ZPBP: variants seen among roughly 807,000 people sequenced by gnomAD.
ZPBP encodes zona pellucida binding protein.
A neutral mutation model predicts 44.8 loss-of-function variants in ZPBP; 26 were observed. That is an observed-to-expected ratio of 0.58 (90% CI 0.43 to 0.81). The LOEUF (loss-of-function observed/expected upper bound fraction) is 0.81. ZPBP is among the 30% of genes least tolerant of loss of function. The pLI is 0.00. For synonymous variants in ZPBP, 174 were observed against 153.2 expected (o/e 1.14, Z -1.00); for missense variants, 409 against 434.0 (o/e 0.94, Z 0.51).
rs567715753 is a variant in ZPBP, at chr7:49,888,141, G to A, written n.509+12977C>T. ...TTAGTAGCTCAAAATTGGCCTTGGT[G>A]GAAGTAGTCAATGGCAATTATTTTT... On this transcript the variant is annotated intron_variant and non_coding_transcript_variant, in intron 2 of 2. Transcript: ENST00000465922. 4.6e-5 allele frequency among the ~76,000 whole-genome samples: 7 copies of A among 152,282 alleles called. No homozygotes were observed. In the South Asian group the frequency reaches 1.4e-3, roughly 32 times the overall value.
Position 50,031,241 on chromosome 7 carries a change from T to C in ZPBP, c.557A>G (p.Tyr186Cys), listed in dbSNP as rs779275046. The change falls in exon 5 of 8, where the codon TAT becomes TGT. Residue 186 changes from tyrosine (Y) to cysteine (C), a missense_variant. Transcript: ENST00000046087. ...AAGTTTCTTCTCAAAAGAAATATTA[T>C]AAATGCTATTGCAGGGAGCTGCATG... ...RYHAAPCNSI[Y>C]NISFEKKLLQ... 6.2e-7 allele frequency: 1 copy of C among 1,612,802 alleles called. No individual in the cohort carries two copies. The highest frequency in any genetic ancestry group is 1.1e-5 in the South Asian group (1 of 91,020).
At chr7:49,888,062 T>C (rs948253169) in intron 2 of ZPBP, among the ~76,000 whole-genome samples, 1 of 152,260 alleles carries the variant, frequency 6.6e-6, no homozygotes, top group Non-Finnish European at 1.5e-5. Context: ...TAATTGATCA[T>C]GTACATCTCT....
intron 2 of ZPBP, among the ~76,000 whole-genome samples, chr7:49,897,728 G>A (rs1024138714): frequency 6.6e-6 from 1 of 152,188 alleles, no homozygotes; most frequent in Non-Finnish European, 1.5e-5. Context: ...TTAGGAAAAT[G>A]TAAACTGTAA....
intron 4 of ZPBP, among the ~76,000 whole-genome samples, chr7:50,038,865 AAGG>A (rs1289688855): frequency 6.6e-6 from 1 of 152,216 alleles, no homozygotes; most frequent in Non-Finnish European, 1.5e-5. Flanking sequence ...CTAGGAGGAA[AAGG>A]CCATACCACG....
chr7:50,063,412 T>C lies in ZPBP; in HGVS notation c.335-5271A>G, dbSNP rs189444941. Among the ~76,000 whole-genome samples, 6 of 152,366 alleles carry C rather than the reference T, an allele frequency of 3.9e-5. No individual in the cohort carries two copies. The East Asian group carries it at 1.2e-3, about 29-fold the overall frequency. On this transcript the variant is annotated intron_variant, in intron 3 of 7. Transcript: ENST00000046087. ...CTTTGCGGAGCTGAGCTTTTTCTTC[T>C]ACTGGCAGCAGCTGATATTTGGTTA...
At chr7:49,887,618 T>C (rs1383616372) in intron 2 of ZPBP, among the ~76,000 whole-genome samples, 1 of 152,224 alleles carries the variant, frequency 6.6e-6, no homozygotes, top group Non-Finnish European at 1.5e-5. Flanking sequence ...TGGTTTCCAT[T>C]TGTACAGGAT....
intron 2 of ZPBP, among the ~76,000 whole-genome samples, chr7:49,854,600 A>G (rs1288877577): frequency 3.3e-5 from 5 of 152,170 alleles, no homozygotes; most frequent in African/African-American, 7.2e-5. Context: ...TTCTTTGCAG[A>G]TTCTGGATAT....
intron 7 of ZPBP, chr7:49,944,426 C>T (rs1395687265): frequency 2.9e-5 from 5 of 174,954 alleles, no homozygotes. Flanking sequence ...TCCTTTTGTA[C>T]TTGGGCTTTA....
chr7:49,985,023 T>G (rs1470293568), intron 6 of ZPBP, among the ~76,000 whole-genome samples: 2 of 152,160 alleles, frequency 1.3e-5, no homozygotes, highest in African/African-American at 2.4e-5. Context: ...AGATGCACGT[T>G]ACATTAATTG....
intron 2 of ZPBP, among the ~76,000 whole-genome samples, chr7:49,863,705 A>G (rs954192649): frequency 1.3e-5 from 2 of 152,178 alleles, no homozygotes; most frequent in African/African-American, 2.4e-5. Flanking sequence ...TGCTGGGATT[A>G]GAGACGTGAG....
At chr7:50,018,411 C>A in intron 5 of ZPBP, 95 bp from the exon 6 acceptor site, 3 of 1,039,978 alleles carry the variant, frequency 2.9e-6, no homozygotes, top group Non-Finnish European at 4.3e-6. Context: ...TCTAACATTT[C>A]TCTTCCATTA....
intron 6 of ZPBP, among the ~76,000 whole-genome samples, chr7:50,016,663 T>G (rs902040788): frequency 3.3e-5 from 5 of 152,160 alleles, no homozygotes; most frequent in Admixed American, 2.6e-4. Flanking sequence ...TCCTAATCCC[T>G]ATGCTTTAAC....
chr7:49,846,519 T>C (rs888704363), downstream of ZPBP, among the ~76,000 whole-genome samples: 1 of 152,196 alleles, frequency 6.6e-6, no homozygotes, highest in East Asian at 1.9e-4. Flanking sequence ...CTTCCAAATT[T>C]GGCCATGGCC....
At position 49,894,144 on chromosome 7, in the gene ZPBP, G is replaced by A. The variant is rs192772607; in HGVS notation, n.509+6974C>T. On this transcript the variant is annotated intron_variant and non_coding_transcript_variant, in intron 2 of 2. Transcript: ENST00000465922. ...TATGACATAGACACCTATGTGTGTC[G>A]TTTCTAGGCTTTTTCTTTTCTTTCT... Among the ~76,000 whole-genome samples the A allele has an allele frequency of 1.3e-3, 176 of 134,850 alleles. 1 individual carries two copies. The highest frequency in any genetic ancestry group is 1.9e-3 in the Non-Finnish European group (117 of 63,192). 88.5% of individuals were successfully genotyped at this position (134,850 alleles called of 152,430 possible). A position where few individuals can be genotyped will look rare whatever the true frequency, so the allele number is the denominator to read the frequency against.
At position 49,984,072 on chromosome 7, in the gene ZPBP, C is replaced by T. The variant is rs149836104; in HGVS notation, c.784-553G>A. ...TCCTAAAATTAACAAGAGCCTTAGA[C>T]TTCTCTGACTGCTAAGATCTATGCA... On this transcript the variant is annotated intron_variant, in intron 6 of 7. Coordinates refer to ENST00000046087, the MANE Select transcript of ZPBP (RefSeq NM_007009.3). Among the ~76,000 whole-genome samples the T allele has an allele frequency of 5.4e-3, 829 of 152,254 alleles. 10 individuals carry two copies. The highest frequency in any genetic ancestry group is 0.025 in the South Asian group (120 of 4,832).
chr7:49,892,976 C>G (rs1406100243), intron 2 of ZPBP, among the ~76,000 whole-genome samples: 3 of 152,200 alleles, frequency 2.0e-5, no homozygotes, highest in Admixed American at 2.0e-4. Flanking sequence ...TTTAATGAAG[C>G]CTGTCCCCAA....
At chr7:49,877,394 A>C (rs1791456068) in intron 2 of ZPBP, among the ~76,000 whole-genome samples, 1 of 139,994 alleles carries the variant, frequency 7.1e-6, no homozygotes, top group African/African-American at 2.7e-5. Flanking sequence ...CCTGGGAGGC[A>C]GAGGTTGCAG....
chr7:50,023,415 C>T (rs1179645912), intron 5 of ZPBP, among the ~76,000 whole-genome samples: 5 of 151,898 alleles, frequency 3.3e-5, no homozygotes, highest in African/African-American at 1.2e-4. Context: ...CCATATCACT[C>T]AAAGACCATA....
chr7:50,077,897 A>G (rs1317285412), intron 3 of ZPBP, among the ~76,000 whole-genome samples: 1 of 151,814 alleles, frequency 6.6e-6, no homozygotes, highest in African/African-American at 2.4e-5. Flanking sequence ...CTTGGTACAT[A>G]CCCACAAGAA....
Sources: gnomAD v4.1 joint callset for allele counts (sites outside exome capture counted in the v4.1 genomes callset) on GRCh38, gnomAD v4.1.1 for gene constraint, MANE v1.5 for transcripts, NCBI Gene and HGNC (gene_info 2026-07-23, HGNC 2026-07-21) for gene names.